ATXN7: variants seen among roughly 807,000 people sequenced by gnomAD.
The protein encoded by ATXN7 is ataxin-7.
ATXN7 carries 12 observed loss-of-function variants against 70.5 expected under a neutral mutation model. The ratio of observed to expected loss-of-function variants is 0.17; its 90% CI spans 0.11 to 0.28. The LOEUF (loss-of-function observed/expected upper bound fraction) is 0.28. Ranked by LOEUF, ATXN7 falls within the 10% of genes least tolerant of loss-of-function variation. The probability of loss-of-function intolerance (pLI) is 1.00; values close to 1 mark genes in which losing one functional copy is unlikely to be tolerated. For synonymous variants in ATXN7, 498 were observed against 448.7 expected (o/e 1.11, Z -1.39); for missense variants, 1,256 against 1,131.7 (o/e 1.11, Z -1.58).
chr3:63,967,756 T>G (rs1460714266), intron 5 of ATXN7: 1 of 1,415,642 alleles, frequency 7.1e-7, no homozygotes, highest in African/African-American at 1.4e-5. Context: ...TTTCTGTTGA[T>G]CTGCCAGGAC....
chr3:63,957,768 A>G (rs1343577694), intron 5 of ATXN7, among the ~76,000 whole-genome samples: 1 of 152,206 alleles, frequency 6.6e-6, no homozygotes, highest in Non-Finnish European at 1.5e-5. Flanking sequence ...ATTTGATGTT[A>G]TTAATATTAG....
intron 11 of ATXN7, among the ~76,000 whole-genome samples, chr3:63,995,110 G>T (rs1387092026): frequency 2.6e-5 from 4 of 152,182 alleles, no homozygotes; most frequent in Non-Finnish European, 5.9e-5. Flanking sequence ...CGGTAATTAA[G>T]CTGGGGATGA....
intron 5 of ATXN7, among the ~76,000 whole-genome samples, chr3:63,977,137 C>T (rs1324178744): frequency 1.3e-5 from 2 of 152,120 alleles, no homozygotes; most frequent in South Asian, 2.1e-4. Context: ...TGTTTTCCTA[C>T]GTGGCTCATT....
intron 5 of ATXN7, among the ~76,000 whole-genome samples, chr3:63,973,345 A>G (rs544748182): frequency 4.6e-5 from 7 of 152,144 alleles, no homozygotes; most frequent in East Asian, 3.9e-4. Flanking sequence ...AAGCATGCAT[A>G]TTGTGTTGTG....
rs148887421 is a variant in ATXN7 at position 63,969,387 on chromosome 3, C to T, written c.500-10528C>T. ...TTTTCAGCAGATAGTTTTGTCATTT[C>T]GTTGTACCTTGCAGAGTTGCTCTTG... On this transcript the variant is annotated intron_variant, in intron 5 of 12. Transcript: ENST00000674280. Among the ~76,000 whole-genome samples the T allele has an allele frequency of 2.7e-3, 413 of 152,178 alleles. 3 individuals are homozygous for T. The highest frequency in any genetic ancestry group is 0.014 in the Middle Eastern group (4 of 294).
At position 64,001,355 on chromosome 3, in the gene ATXN7, T is replaced by C. The variant is rs574104223; in HGVS notation, c.*1888T>C. Reference sequence around the variant, plus strand: ...GCATGGATGGGCCAGTTTGGCATAGTTGGGAGAAATCAGTCTGGTTTCCAT... The same window carrying C: ...GCATGGATGGGCCAGTTTGGCATAGCTGGGAGAAATCAGTCTGGTTTCCAT... On this transcript the variant is annotated 3_prime_UTR_variant, in exon 13 of 13. Transcript: ENST00000674280. 6 of 152,312 alleles carry C rather than the reference T, an allele frequency of 3.9e-5. No individual in the cohort carries two copies. Among genetic ancestry groups the C allele is most frequent in the African/African-American group, 9.6e-5 (4 of 41,580 alleles). The allele number at this position is 152,312 out of a possible 1,614,324, so 9.4% of individuals were successfully genotyped here. A position where few individuals can be genotyped will look rare whatever the true frequency, so the allele number is the denominator to read the frequency against.
At chr3:63,992,513 A>T (rs1357155837) in intron 11 of ATXN7, among the ~76,000 whole-genome samples, 1 of 152,162 alleles carries the variant, frequency 6.6e-6, no homozygotes, top group Non-Finnish European at 1.5e-5. Context: ...TACTCCTAAG[A>T]GTTTAGAATG....
At position 63,995,563 on chromosome 3, in the gene ATXN7, A is replaced by C; in HGVS notation, c.1741A>C (p.Thr581Pro). 1 of 1,614,110 alleles carries C rather than the reference A, an allele frequency of 6.2e-7. No homozygotes were observed. The highest frequency in any genetic ancestry group is 8.5e-7 in the Non-Finnish European group (1 of 1,180,024). The change falls in exon 12 of 13, where the codon ACA (threonine) becomes CCA (proline). Residue 581 changes from threonine (T) to proline (P), a missense_variant. Physicochemically the swap from Thr to Pro is conservative, Grantham distance 38. Transcript: ENST00000674280. ...SPISTRIPHRTNSVPTSQCGV... is the reference protein window; with the variant it reads ...SPISTRIPHRPNSVPTSQCGV... ...CATCTCCACACGTATTCCTCACCGG[A>C]CAAACTCTGTGCCGACATCACAATG...
At chr3:63,882,385 C>CTTTT (rs1164256938) in intron 1 of ATXN7, among the ~76,000 whole-genome samples, 2 of 128,842 alleles carry the variant, frequency 1.6e-5, no homozygotes, top group Non-Finnish European at 3.4e-5. Flanking sequence ...GCCTTTGATT[C>CTTTT]TTTTTTTTTT....
Position 63,990,297 on chromosome 3 carries a change from G to T in ATXN7, c.1483G>T (p.Gly495Cys). 1 of 1,614,160 alleles carries T rather than the reference G, an allele frequency of 6.2e-7. No homozygotes were observed. The highest frequency in any genetic ancestry group is 8.5e-7 in the Non-Finnish European group (1 of 1,180,030). ...EPASRLSSEE[G>C]EGDDKEESVE... ...AGCTTCTCGGTTATCCAGTGAGGAG[G>T]GCGAAGGCGATGACAAAGAAGAGTC... is the stretch of plus-strand genomic sequence containing the variant. The change falls in exon 10 of 13, where the codon GGC becomes TGC. Residue 495 changes from glycine to cysteine, a missense_variant. Gly to Cys is a radical substitution (Grantham distance 159). Coordinates refer to ENST00000674280, the MANE Select transcript of ATXN7 (RefSeq NM_001377405.1).
At chr3:63,993,193 C>A (rs1389764953) in intron 11 of ATXN7, among the ~76,000 whole-genome samples, 2 of 151,948 alleles carry the variant, frequency 1.3e-5, no homozygotes, top group Admixed American at 1.3e-4. Flanking sequence ...CTGTGAACTA[C>A]TTGTCCTCTG....
At chr3:63,953,387 G>A (rs2074988127) in intron 5 of ATXN7, among the ~76,000 whole-genome samples, 1 of 152,130 alleles carries the variant, frequency 6.6e-6, no homozygotes, top group Non-Finnish European at 1.5e-5. Flanking sequence ...AGGGTATTTA[G>A]TATTTAGAGA....
At chr3:63,899,970 G>C (rs1440314054) in intron 2 of ATXN7, among the ~76,000 whole-genome samples, 1 of 152,122 alleles carries the variant, frequency 6.6e-6, no homozygotes, top group African/African-American at 2.4e-5. Flanking sequence ...TATAGTCCCA[G>C]CTACTCAGGA....
chr3:63,885,958 A>T (rs1266378779), intron 1 of ATXN7, among the ~76,000 whole-genome samples: 1 of 152,204 alleles, frequency 6.6e-6, no homozygotes, highest in Non-Finnish European at 1.5e-5. Flanking sequence ...TGAAGTTTGC[A>T]GTGAGCTGGG....
At chr3:63,952,541 A>G in intron 5 of ATXN7, 58 bp downstream of exon 5, 2 of 1,276,326 alleles carry the variant, frequency 1.6e-6, no homozygotes, top group Middle Eastern at 1.9e-4. Context: ...AAGCAAGATT[A>G]AACTAAGGAA....
intron 4 of ATXN7, among the ~76,000 whole-genome samples, chr3:63,939,520 G>A (rs1701792654): frequency 1.3e-5 from 2 of 152,076 alleles, no homozygotes; most frequent in South Asian, 4.1e-4. Flanking sequence ...AAGCACTAAC[G>A]AATGTCAGAG....
chr3:63,998,035 G>A, intron 12 of ATXN7: 1 of 985,346 alleles, frequency 1.0e-6, no homozygotes, highest in Non-Finnish European at 1.2e-6. Context: ...AGAAGACATG[G>A]TGTGCCGATT....
In ATXN7 at chr3:63,995,894, A is replaced by C; in HGVS notation, c.2072A>C (p.Asn691Thr). Residue 691 changes from asparagine (N) to threonine (T), a missense_variant, in exon 12 of 13, where the codon AAC (asparagine) becomes ACC (threonine). Physicochemically the swap from Asn to Thr is moderately conservative, Grantham distance 65. Transcript: ENST00000674280. ...RPKESSGNST[N>T]CQNASSSTSG... ...AAGGAGTCTTCTGGTAACAGCACTA[A>C]CTGTCAAAATGCCAGTAGCAGTACC... 1 of 1,614,152 alleles carries C rather than the reference A, an allele frequency of 6.2e-7. No homozygotes were observed. Among genetic ancestry groups the C allele is most frequent in the Non-Finnish European group, 8.5e-7 (1 of 1,180,018 alleles).
intron 1 of ATXN7, among the ~76,000 whole-genome samples, chr3:63,867,414 C>T (rs1702466012): frequency 6.6e-6 from 1 of 152,136 alleles, no homozygotes; most frequent in Non-Finnish European, 1.5e-5. Context: ...AACTGGCTCA[C>T]TGCATCCTTG....
Sources: allele counts gnomAD v4.1 joint callset (sites outside exome capture counted in the v4.1 genomes callset), GRCh38; gene constraint gnomAD v4.1.1; transcripts MANE v1.5; gene names NCBI Gene and HGNC (gene_info 2026-07-23, HGNC 2026-07-21).